THSD7B: variants seen among roughly 807,000 people sequenced by gnomAD.
THSD7B encodes thrombospondin type 1 domain containing 7B, also known as thrombospondin type-1 domain-containing protein 7B.
THSD7B carries 138 observed loss-of-function variants against 213.6 expected under a neutral mutation model. The ratio of observed to expected loss-of-function variants is 0.65; its 90% CI spans 0.56 to 0.74. The LOEUF (loss-of-function observed/expected upper bound fraction) is 0.74. Among genes scored for constraint, THSD7B ranks in the 30% least tolerant of loss-of-function variants. The pLI, the probability that THSD7B is intolerant of heterozygous loss-of-function variation, is 0.00. For missense variants in THSD7B, 1,931 were observed against 1,991.5 expected (o/e 0.97, Z 0.58); for synonymous variants, 742 against 687.0 (o/e 1.08, Z -1.25).
chr2:137,640,961 C>CA (rs1311295625), intron 20 of THSD7B, among the ~76,000 whole-genome samples: 1 of 152,166 alleles, frequency 6.6e-6, no homozygotes, highest in African/African-American at 2.4e-5. Flanking sequence ...AGTTTACCAC[C>CA]AAATCTATGA....
chr2:137,047,393 C>T (rs963861755), intron 2 of THSD7B, among the ~76,000 whole-genome samples: 8 of 152,098 alleles, frequency 5.3e-5, no homozygotes, highest in African/African-American at 7.2e-5. Flanking sequence ...ATGTTGTTAC[C>T]GAGCACAGGC....
intron 7 of THSD7B, among the ~76,000 whole-genome samples, chr2:137,212,549 G>A (rs948186448): frequency 2.6e-5 from 4 of 152,002 alleles, no homozygotes; most frequent in Admixed American, 6.6e-5. Context: ...TTAAAACATT[G>A]TCTGAATTGG....
At chr2:137,570,378 G>C (rs182388401) in intron 16 of THSD7B, among the ~76,000 whole-genome samples, 9 of 151,866 alleles carry the variant, frequency 5.9e-5, no homozygotes, top group Admixed American at 2.0e-4. Flanking sequence ...GCGTGATCTC[G>C]GCTCACTGCA....
chr2:137,314,750 GTTGGAGTACTCGGCC>G (rs1316725060), intron 12 of THSD7B, among the ~76,000 whole-genome samples: 3 of 152,158 alleles, frequency 2.0e-5, no homozygotes, highest in African/African-American at 7.2e-5. Context: ...CTGCAGGTCT[GTTGGAGTACTCGGCC>G]TTGTGAGGTG....
chr2:137,559,707 CACAAATGGGATCTAATT>C, intron 15 of THSD7B, among the ~76,000 whole-genome samples: 1 of 152,148 alleles, frequency 6.6e-6, no homozygotes, highest in African/African-American at 2.4e-5. Flanking sequence ...AGCCAAAATT[CACAAATGGGATCTAATT>C]ACACTAAAGA....
At chr2:137,131,988 G>A (rs377203932) in intron 5 of THSD7B, among the ~76,000 whole-genome samples, 1 of 150,288 alleles carries the variant, frequency 6.7e-6, no homozygotes, top group Non-Finnish European at 1.5e-5. Flanking sequence ...CCATTTTCAC[G>A]ATATTGATTC....
At chr2:137,469,229 GC>G (rs1296199578) in intron 15 of THSD7B, among the ~76,000 whole-genome samples, 1 of 152,150 alleles carries the variant, frequency 6.6e-6, no homozygotes, top group African/African-American at 2.4e-5. Context: ...AATAATTCTG[GC>G]GAGAAAAATT....
At chr2:137,487,218 A>C (rs1287033488) in intron 15 of THSD7B, among the ~76,000 whole-genome samples, 1 of 147,034 alleles carries the variant, frequency 6.8e-6, no homozygotes, top group Non-Finnish European at 1.5e-5. Flanking sequence ...AATACAAAAA[A>C]TTAGCCGGGC....
At chr2:137,076,380 C>T (rs572160040) in intron 3 of THSD7B, among the ~76,000 whole-genome samples, 2 of 152,204 alleles carry the variant, frequency 1.3e-5, no homozygotes, top group Admixed American at 6.5e-5. Flanking sequence ...GGTGTAGGAC[C>T]CTCCGAGCCA....
chr2:137,622,775 A>C (rs1304478049), intron 20 of THSD7B, among the ~76,000 whole-genome samples: 1 of 152,080 alleles, frequency 6.6e-6, no homozygotes, highest in East Asian at 1.9e-4. Flanking sequence ...CAAAACTAAA[A>C]CAGGAAGAAG....
chr2:137,404,632 A>G (rs888061768), intron 12 of THSD7B, among the ~76,000 whole-genome samples: 4 of 150,866 alleles, frequency 2.7e-5, no homozygotes, highest in African/African-American at 9.8e-5. Flanking sequence ...ATATGATCGT[A>G]TATAGTGTAT....
At chr2:137,431,419 T>A (rs1687183307) in intron 14 of THSD7B, among the ~76,000 whole-genome samples, 1 of 152,216 alleles carries the variant, frequency 6.6e-6, no homozygotes, top group Non-Finnish European at 1.5e-5. Context: ...ATTCAGATCT[T>A]AGTTCATCCC....
chr2:136,888,674 A>G (rs938841431), intron 2 of THSD7B, among the ~76,000 whole-genome samples: 1 of 152,136 alleles, frequency 6.6e-6, no homozygotes, highest in Admixed American at 6.6e-5. Flanking sequence ...TAAAAATTCT[A>G]ATTTTTTTAT....
chr2:137,602,845 A>G (rs925256165), intron 17 of THSD7B, among the ~76,000 whole-genome samples: 3 of 152,306 alleles, frequency 2.0e-5, no homozygotes, highest in Admixed American at 2.0e-4. Flanking sequence ...TTTGGGGGAC[A>G]CATTAAAACC....
intron 1 of THSD7B, among the ~76,000 whole-genome samples, chr2:136,827,527 G>A (rs1313515334): frequency 6.6e-6 from 1 of 152,158 alleles, no homozygotes; most frequent in East Asian, 1.9e-4. Flanking sequence ...TGCCTCTGCT[G>A]CCACAGTGTT....
intron 15 of THSD7B, among the ~76,000 whole-genome samples, chr2:137,524,936 T>G (rs572184777): frequency 6.6e-6 from 1 of 152,296 alleles, no homozygotes; most frequent in East Asian, 1.9e-4. Flanking sequence ...ATTTTGCTAT[T>G]CACTCTCTTT....
chr2:137,340,982 T>A (rs1267149761), intron 12 of THSD7B, among the ~76,000 whole-genome samples: 1 of 2,496 alleles, frequency 4.0e-4, no homozygotes. Flanking sequence ...TCTCTTTTTG[T>A]TTTTTTTTTT....
At chr2:136,845,872 C>A (rs1683001052) in intron 1 of THSD7B, among the ~76,000 whole-genome samples, 1 of 152,164 alleles carries the variant, frequency 6.6e-6, no homozygotes, top group Admixed American at 6.5e-5. Flanking sequence ...TTAGAAGTTT[C>A]CACTGATTTC....
intron 2 of THSD7B, among the ~76,000 whole-genome samples, chr2:136,989,846 G>A (rs1573752571): frequency 6.6e-6 from 1 of 152,140 alleles, no homozygotes; most frequent in Non-Finnish European, 1.5e-5. Context: ...TTAAAATCTA[G>A]GTGTCATGGG....
Sources: gnomAD v4.1 joint callset for allele counts (sites outside exome capture counted in the v4.1 genomes callset) on GRCh38, gnomAD v4.1.1 for gene constraint, MANE v1.5 for transcripts, NCBI Gene and HGNC (gene_info 2026-07-23, HGNC 2026-07-21) for gene names.